The following PCDHB4 variants were observed in gnomAD, a reference collection of about 807,000 sequenced individuals.
The protein encoded by PCDHB4 is protocadherin beta-4.
For missense variants in PCDHB4, 1,063 were observed against 1,007.0 expected (o/e 1.06, Z -0.75); for synonymous variants, 482 against 447.3 (o/e 1.08, Z -0.98).
chr5:141,124,421 T>C lies in PCDHB4; in HGVS notation c.*35T>C. On this transcript the variant is annotated 3_prime_UTR_variant, in exon 1 of 1. Coordinates refer to ENST00000194152, the MANE Select transcript of PCDHB4 (RefSeq NM_018938.4). ...TTAGTTCAGTGAACCGCCCGTTAGT[T>C]TTGTCAAACTTCCCACTGCAATGCC... The C allele has an allele frequency of 6.7e-7, 1 of 1,494,682 alleles. No homozygotes were observed. The highest frequency in any genetic ancestry group is 9.0e-7 in the Non-Finnish European group (1 of 1,110,206). The allele number at this position is 1,494,682 out of a possible 1,614,324, so 92.6% of individuals were successfully genotyped here.
rs553336245 is a variant in PCDHB4, at chr5:141,123,675, C to T, written c.1677C>T (p.Phe559=). Residue 559 remains phenylalanine (F), a synonymous_variant, in exon 1 of 1, where the codon TTC becomes TTT. Coordinates refer to ENST00000194152, the MANE Select transcript of PCDHB4 (RefSeq NM_018938.4). ...LVLDTNDNSP[F]VLYPLQNGSA... is the part of the protein sequence containing the mutation. ...TGGACACCAACGACAACTCGCCCTT[C>T]GTGCTGTACCCGCTGCAGAATGGCT... 3.0e-5 allele frequency: 48 copies of T among 1,611,388 alleles called. 1 individual carries two copies. The highest frequency in any genetic ancestry group is 2.0e-4 in the African/African-American group (15 of 74,986).
rs782520355 is a variant in PCDHB4, at chr5:141,123,500, C to A, written c.1502C>A (p.Ser501Tyr). ...PPQDPHLPLASLVSINADNGH... is the reference protein window; with the variant it reads ...PPQDPHLPLAYLVSINADNGH... Reference sequence around the variant, plus strand: ...CAGGACCCGCACCTGCCCCTCGCCTCCCTGGTCTCCATCAACGCAGACAAC... The same window carrying A: ...CAGGACCCGCACCTGCCCCTCGCCTACCTGGTCTCCATCAACGCAGACAAC... Residue 501 changes from serine to tyrosine, a missense_variant, in exon 1 of 1, where the codon TCC becomes TAC. Coordinates refer to ENST00000194152, the MANE Select transcript of PCDHB4 (RefSeq NM_018938.4). 9.3e-6 allele frequency: 15 copies of A among 1,613,372 alleles called. No individual in the cohort carries two copies. The highest frequency in any genetic ancestry group is 1.3e-5 in the Non-Finnish European group (15 of 1,180,020).
chr5:141,123,349 A>C lies in PCDHB4; in HGVS notation c.1351A>C (p.Thr451Pro). ...SDVNDNAPAF[T>P]QTSYTLFVRE... ...CGTCAATGACAACGCCCCCGCCTTC[A>C]CCCAAACCTCCTACACCCTGTTCGT... The change falls in exon 1 of 1, where the codon ACC (threonine) becomes CCC (proline). Residue 451 changes from threonine to proline, a missense_variant. By Grantham distance (38) the Thr-to-Pro change is conservative (BLOSUM62 -1). Transcript: ENST00000194152. 1 of 1,613,970 alleles carries C rather than the reference A, an allele frequency of 6.2e-7. No homozygotes were observed. The highest frequency in any genetic ancestry group is 8.5e-7 in the Non-Finnish European group (1 of 1,180,004).
chr5:141,123,029 C>T lies in PCDHB4; in HGVS notation c.1031C>T (p.Pro344Leu), dbSNP rs782481577. ...IEVVDVNDNP[P>L]ELIISSLTSS... The stretch of plus-strand genomic sequence containing the variant: ...GTGGTGGATGTGAATGACAATCCCC[C>T]AGAACTTATCATATCTTCACTCACC... The change falls in exon 1 of 1, where the codon CCA (proline) becomes CTA (leucine). Residue 344 changes from proline to leucine, a missense_variant. Transcript: ENST00000194152. The T allele has an allele frequency of 6.2e-6, 10 of 1,614,036 alleles. No individual in the cohort carries two copies. The highest frequency in any genetic ancestry group is 2.2e-5 in the South Asian group (2 of 91,050).
In PCDHB4 at chr5:141,124,540, A is replaced by G; in HGVS notation, c.*154A>G. On this transcript the variant is annotated 3_prime_UTR_variant, in exon 1 of 1. Transcript: ENST00000194152. ...ATAAAGCTAAATTTGTCCCTTTTTT[A>G]TTGTTATTAATTGCACTTAACATTT... 1 of 619,152 alleles carries G rather than the reference A, an allele frequency of 1.6e-6. No homozygotes were observed. The highest frequency in any genetic ancestry group is 2.7e-5 in the South Asian group (1 of 37,138). The allele number at this position is 619,152 out of a possible 1,614,324, so 38.4% of individuals were successfully genotyped here.
In PCDHB4 at chr5:141,121,929, A is replaced by T; in HGVS notation, c.-70A>T. ...GTGTGACGATTCCTCCAAGCAAGAA[A>T]TTGGAATTGAATGTCTCAAGTCTCG... On this transcript the variant is annotated 5_prime_UTR_variant, in exon 1 of 1. Transcript: ENST00000194152. The T allele has an allele frequency of 9.1e-7, 1 of 1,100,706 alleles. No homozygotes were observed. The highest frequency in any genetic ancestry group is 1.3e-6 in the Non-Finnish European group (1 of 761,864). The allele number at this position is 1,100,706 out of a possible 1,614,324, so 68.2% of individuals were successfully genotyped here. A position where few individuals can be genotyped will look rare whatever the true frequency, so the allele number is the denominator to read the frequency against.
Position 141,123,105 on chromosome 5 carries a change from TC to T in PCDHB4, c.1108del (p.Arg370GlufsTer11), listed in dbSNP as rs1222989507. ...AGACGGTAGTCTCTATCTTCCGAAT[TC>T]GAGATAGAGATTCCGGAGAAAATGG... ...PETVVSIFRI[R>X]DRDSGENGKM... On this transcript the variant is annotated frameshift_variant, in exon 1 of 1. Transcript: ENST00000194152. LOFTEE classifies it low-confidence loss of function (END_TRUNC). 1 of 1,613,760 alleles carries T rather than the reference TC, an allele frequency of 6.2e-7. No homozygotes were observed. Among genetic ancestry groups the T allele is most frequent in the African/African-American group, 1.3e-5 (1 of 74,834 alleles).
rs1453344979 is a variant in PCDHB4, at chr5:141,125,167, T to A, written c.*781T>A. On this transcript the variant is annotated 3_prime_UTR_variant, in exon 1 of 1. Coordinates refer to ENST00000194152, the MANE Select transcript of PCDHB4 (RefSeq NM_018938.4). ...AAAACTGTTAAATCATGGCCTGATATCATCTTAAAAAAAAATCTCAGAATC... is the reference window on the plus strand; with the variant it reads ...AAAACTGTTAAATCATGGCCTGATAACATCTTAAAAAAAAATCTCAGAATC... The A allele has an allele frequency of 6.6e-6, 1 of 152,138 alleles. No homozygotes were observed. Among genetic ancestry groups the A allele is most frequent in the Non-Finnish European group, 1.5e-5 (1 of 68,008 alleles). 9.4% of individuals were successfully genotyped at this position (152,138 alleles called of 1,614,324 possible).
Position 141,122,402 on chromosome 5 carries a change from G to A in PCDHB4, c.404G>A (p.Arg135Lys). The change falls in exon 1 of 1, where the codon AGG becomes AAG. Residue 135 changes from arginine (R) to lysine (K), a missense_variant. Physicochemically the swap from Arg to Lys is conservative, Grantham distance 26. Coordinates refer to ENST00000194152, the MANE Select transcript of PCDHB4 (RefSeq NM_018938.4). Reference protein sequence around the residue: ...INDHSPIFPEREVLLKILENS... With the variant: ...INDHSPIFPEKEVLLKILENS... ...GATCACTCTCCAATATTCCCTGAAAGGGAAGTGCTCTTGAAAATACTAGAA... is the reference window on the plus strand; with the variant it reads ...GATCACTCTCCAATATTCCCTGAAAAGGAAGTGCTCTTGAAAATACTAGAA... 6.2e-7 allele frequency: 1 copy of A among 1,614,202 alleles called. No homozygotes were observed. Among genetic ancestry groups the A allele is most frequent in the South Asian group, 1.1e-5 (1 of 91,080 alleles).
rs782369248 is a variant in PCDHB4, at chr5:141,123,433, T to C, written c.1435T>C (p.Ser479Pro). 9.3e-6 allele frequency: 15 copies of C among 1,613,098 alleles called. No individual in the cohort carries two copies. Among genetic ancestry groups the C allele is most frequent in the African/African-American group, 1.3e-5 (1 of 74,986 alleles). The change falls in exon 1 of 1, where the codon TCG becomes CCG. Residue 479 changes from serine (S) to proline (P), a missense_variant. Transcript: ENST00000194152. ...IGSVSATDRDSGTNAQVTYSL... is the reference protein window; with the variant it reads ...IGSVSATDRDPGTNAQVTYSL... ...CAGTGTCAGCGCCACAGACAGAGAC[T>C]CGGGCACCAACGCCCAGGTCACCTA...
rs572977888 is a variant in PCDHB4, at chr5:141,124,690, T to A, written c.*304T>A. The A allele has an allele frequency of 4.7e-6, 1 of 212,550 alleles. No individual in the cohort carries two copies. Among genetic ancestry groups the A allele is most frequent in the Non-Finnish European group, 9.3e-6 (1 of 107,744 alleles). The allele number at this position is 212,550 out of a possible 1,614,324, so 13.2% of individuals were successfully genotyped here. A position where few individuals can be genotyped will look rare whatever the true frequency, so the allele number is the denominator to read the frequency against. ...ATTATGTTTTAATGAAATTCTTAAA[T>A]TAACATCTTTTTAATGGAACATTTA... is the stretch of plus-strand genomic sequence containing the variant. On this transcript the variant is annotated 3_prime_UTR_variant, in exon 1 of 1. Transcript: ENST00000194152.
chr5:141,122,922 C>T lies in PCDHB4; in HGVS notation c.924C>T (p.Phe308=). ...GEILLKKKLD[F]EKIKSYHVEI... ...TACTGTTGAAAAAAAAATTGGATTT[C>T]GAAAAAATTAAATCTTACCATGTAG... is the stretch of plus-strand genomic sequence containing the variant. Residue 308 remains phenylalanine, a synonymous_variant, in exon 1 of 1, where the codon TTC becomes TTT. Transcript: ENST00000194152. The T allele has an allele frequency of 1.9e-6, 3 of 1,608,708 alleles. No individual in the cohort carries two copies. Among genetic ancestry groups the T allele is most frequent in the East Asian group, 2.2e-5 (1 of 44,866 alleles).
At position 141,122,463 on chromosome 5, in the gene PCDHB4, A is replaced by G. The variant is rs782298675; in HGVS notation, c.465A>G (p.Ile155Met). The change falls in exon 1 of 1, where the codon ATA (isoleucine) becomes ATG (methionine). Residue 155 changes from isoleucine (I) to methionine (M), a missense_variant. Physicochemically the swap from Ile to Met is conservative, Grantham distance 10 (BLOSUM62 1). Transcript: ENST00000194152. ...CGGGTACTCTATTTCCGTTGCTAAT[A>G]GCTGAGGATTTGGATGTGGGCAGCA... ...SQPGTLFPLL[I>M]AEDLDVGSNG... 7 of 1,614,256 alleles carry G rather than the reference A, an allele frequency of 4.3e-6. No homozygotes were observed. Among genetic ancestry groups the G allele is most frequent in the South Asian group, 2.2e-5 (2 of 91,082 alleles).
In PCDHB4 at chr5:141,124,212, A is replaced by G. The variant is rs147986368; in HGVS notation, c.2214A>G (p.Val738=). The G allele has an allele frequency of 1.7e-4, 280 of 1,614,058 alleles. No homozygotes were observed. Among genetic ancestry groups the G allele is most frequent in the Middle Eastern group, 1.5e-3 (9 of 6,018 alleles). Residue 738 remains valine (V), a synonymous_variant, in exon 1 of 1, where the codon GTA becomes GTG. Coordinates refer to ENST00000194152, the MANE Select transcript of PCDHB4 (RefSeq NM_018938.4). ...EGPFPGHLVD[V]SGTGTLSQSY... The stretch of plus-strand genomic sequence containing the variant: ...CCTTTCCAGGGCATCTGGTGGACGT[A>G]AGCGGCACCGGGACCCTGTCCCAGA...
Position 141,122,179 on chromosome 5 carries a change from C to A in PCDHB4, c.181C>A (p.Arg61=), listed in dbSNP as rs144981797. Residue 61 remains arginine, a synonymous_variant, in exon 1 of 1, where the codon CGG becomes AGG. Coordinates refer to ENST00000194152, the MANE Select transcript of PCDHB4 (RefSeq NM_018938.4). ...CCTGGGAATTGGGGAACTGGCCTCC[C>A]GGTCAGCCCGGGTGCTGTCTGACGA... ...LGLGIGELAS[R]SARVLSDDDK... The A allele has an allele frequency of 3.1e-6, 5 of 1,614,066 alleles. No homozygotes were observed. Among genetic ancestry groups the A allele is most frequent in the Non-Finnish European group, 4.2e-6 (5 of 1,180,050 alleles).
At position 141,124,654 on chromosome 5, in the gene PCDHB4, G is replaced by C. The variant is rs1264604585; in HGVS notation, c.*268G>C. The C allele has an allele frequency of 3.5e-6, 1 of 283,068 alleles. No homozygotes were observed. The highest frequency in any genetic ancestry group is 2.2e-5 in the African/African-American group (1 of 45,816). The allele number at this position is 283,068 out of a possible 1,614,324, so 17.5% of individuals were successfully genotyped here. On this transcript the variant is annotated 3_prime_UTR_variant, in exon 1 of 1. Coordinates refer to ENST00000194152, the MANE Select transcript of PCDHB4 (RefSeq NM_018938.4). ...TTGTAATCATAAATTACTCAATTAG[G>C]ATAAAAATAAATTATGTTTTAATGA...
chr5:141,123,586 G>T lies in PCDHB4; in HGVS notation c.1588G>T (p.Val530Leu), dbSNP rs548587269. Reference protein sequence around the residue: ...YEALQAFEFRVGASDRGSPAL... With the variant: ...YEALQAFEFRLGASDRGSPAL... Reference sequence around the variant, plus strand: ...GGCCCTGCAGGCGTTCGAGTTCCGCGTGGGCGCCTCAGACCGCGGTTCTCC... The same window carrying T: ...GGCCCTGCAGGCGTTCGAGTTCCGCTTGGGCGCCTCAGACCGCGGTTCTCC... The change falls in exon 1 of 1, where the codon GTG (valine) becomes TTG (leucine). Residue 530 changes from valine to leucine, a missense_variant. Val to Leu is a conservative substitution (Grantham distance 32). Coordinates refer to ENST00000194152, the MANE Select transcript of PCDHB4 (RefSeq NM_018938.4). The T allele has an allele frequency of 9.9e-6, 16 of 1,612,530 alleles. No homozygotes were observed. The East Asian group carries it at 3.3e-4, about 34-fold the overall frequency.
Position 141,124,217 on chromosome 5 carries a change from G to A in PCDHB4, c.2219G>A (p.Gly740Asp), listed in dbSNP as rs1175832800. ...PFPGHLVDVS[G>D]TGTLSQSYQY... ...CCAGGGCATCTGGTGGACGTAAGCG[G>A]CACCGGGACCCTGTCCCAGAGCTAC... is the stretch of plus-strand genomic sequence containing the variant. Residue 740 changes from glycine (G) to aspartate (D), a missense_variant, in exon 1 of 1, where the codon GGC becomes GAC. Coordinates refer to ENST00000194152, the MANE Select transcript of PCDHB4 (RefSeq NM_018938.4). 1 of 1,614,006 alleles carries A rather than the reference G, an allele frequency of 6.2e-7. No individual in the cohort carries two copies. Among genetic ancestry groups the A allele is most frequent in the Admixed American group, 1.7e-5 (1 of 60,008 alleles).
rs782816305 is a variant in PCDHB4 at position 141,122,886 on chromosome 5, C to T, written c.888C>T (p.Val296=). 1.2e-6 allele frequency: 2 copies of T among 1,612,382 alleles called. No individual in the cohort carries two copies. Among genetic ancestry groups the T allele is most frequent in the Non-Finnish European group, 1.7e-6 (2 of 1,179,632 alleles). Residue 296 remains valine (V), a synonymous_variant, in exon 1 of 1, where the codon GTC becomes GTT. Transcript: ENST00000194152. ...AACAAACTTTCTCAATAAATGAAGT[C>T]ACGGGAGAAATACTGTTGAAAAAAA... ...EIKQTFSINE[V]TGEILLKKKL... is the part of the protein sequence containing the mutation.
Sources: allele counts gnomAD v4.1 joint callset, GRCh38; gene constraint gnomAD v4.1.1; transcripts MANE v1.5; gene names NCBI Gene and HGNC (gene_info 2026-07-23, HGNC 2026-07-21).